The following TAOK3 variants were observed in gnomAD, a reference collection of about 807,000 sequenced individuals.
TAOK3 encodes the protein serine/threonine-protein kinase TAO3.
Under a neutral mutation model 120.4 loss-of-function variants are expected in TAOK3, and 40 were observed. The ratio of observed to expected loss-of-function variants is 0.33; its 90% CI spans 0.26 to 0.43. The LOEUF is 0.43. Among genes scored for constraint, TAOK3 ranks in the 20% least tolerant of loss-of-function variants. The pLI is 1.00. For missense variants in TAOK3, 821 were observed against 1,112.1 expected (o/e 0.74, Z 3.72); for synonymous variants, 355 against 387.5 (o/e 0.92, Z 0.99).
intron 1 of TAOK3, among the ~76,000 whole-genome samples, chr12:118,323,662 A>C (rs1826209448): frequency 6.6e-6 from 1 of 152,196 alleles, no homozygotes; most frequent in Non-Finnish European, 1.5e-5. Context: ...GTATATATGT[A>C]CTGACCTTAT....
chr12:118,355,250 T>G (rs1048793722), intron 1 of TAOK3, among the ~76,000 whole-genome samples: 2 of 152,166 alleles, frequency 1.3e-5, no homozygotes, highest in Admixed American at 1.3e-4. Context: ...ACAAAAAAAA[T>G]TTTTTTAGCT....
At chr12:118,355,701 A>G (rs185519702) in intron 1 of TAOK3, among the ~76,000 whole-genome samples, 11 of 152,364 alleles carry the variant, frequency 7.2e-5, no homozygotes, top group Admixed American at 7.2e-4. Context: ...CTTTCTGGTG[A>G]AGCTATGAAT....
At chr12:118,172,371 G>T (rs2036047992) in intron 17 of TAOK3, 86 bp downstream of exon 17, 15 of 1,411,542 alleles carry the variant, frequency 1.1e-5, no homozygotes, top group African/African-American at 1.4e-5. Context: ...AGGGATATAG[G>T]AATGGACCAG....
intron 9 of TAOK3, among the ~76,000 whole-genome samples, chr12:118,219,741 TGA>T (rs2039129372): frequency 6.7e-6 from 1 of 150,130 alleles, no homozygotes; most frequent in Non-Finnish European, 1.5e-5. Context: ...ATTATAGGCA[TGA>T]GCCATTAAGT....
chr12:118,198,591 T>A (rs2037863742), intron 13 of TAOK3: 1 of 169,132 alleles, frequency 5.9e-6, no homozygotes, highest in African/African-American at 2.4e-5. Flanking sequence ...TTCGCCATGT[T>A]GGCCAGGCTG....
intron 1 of TAOK3, among the ~76,000 whole-genome samples, chr12:118,304,227 A>G (rs1302460247): frequency 6.6e-6 from 1 of 152,232 alleles, no homozygotes. Context: ...ATTACATTTC[A>G]TTCACTTAGA....
At chr12:118,181,736 G>T in intron 14 of TAOK3, 129 bp from the exon 15 acceptor site, 1 of 758,410 alleles carries the variant, frequency 1.3e-6, no homozygotes, top group Non-Finnish European at 2.2e-6. Context: ...ACTGTTTAGT[G>T]AATGCTCACC....
chr12:118,209,876 G>T (rs927116420), intron 11 of TAOK3, among the ~76,000 whole-genome samples: 5 of 151,838 alleles, frequency 3.3e-5, no homozygotes, highest in Non-Finnish European at 5.9e-5. Flanking sequence ...ACTGCACCTG[G>T]CTAATTTTTG....
At chr12:118,162,106 G>A in intron 17 of TAOK3, 79 bp from the exon 18 acceptor site, 1 of 1,534,178 alleles carries the variant, frequency 6.5e-7, no homozygotes, top group Non-Finnish European at 8.9e-7. Context: ...AGTGAGGGAG[G>A]GCAAGGAATG....
chr12:118,322,777 G>A (rs552283962), intron 1 of TAOK3, among the ~76,000 whole-genome samples: 1 of 137,496 alleles, frequency 7.3e-6, no homozygotes, highest in Non-Finnish European at 1.5e-5. Flanking sequence ...TCAGGCTGGA[G>A]TGCAGTGGCA....
intron 1 of TAOK3, among the ~76,000 whole-genome samples, chr12:118,318,211 G>A (rs952670103): frequency 6.7e-6 from 1 of 149,090 alleles, no homozygotes; most frequent in Non-Finnish European, 1.5e-5. Context: ...AGGCTGGAGC[G>A]CAATGACGCG....
At chr12:118,370,147 A>G (rs1009831406) in intron 1 of TAOK3, among the ~76,000 whole-genome samples, 5 of 150,994 alleles carry the variant, frequency 3.3e-5, no homozygotes, top group Admixed American at 6.6e-5. Flanking sequence ...TGCTAGGATT[A>G]CAGGTGTGAG....
chr12:118,368,944 A>AGCTCAG (rs1334017743), intron 1 of TAOK3, among the ~76,000 whole-genome samples: 2 of 149,108 alleles, frequency 1.3e-5, no homozygotes, highest in Non-Finnish European at 3.0e-5. Flanking sequence ...GGATCACTTG[A>AGCTCAG]GCTCAGGAGA....
intron 1 of TAOK3, among the ~76,000 whole-genome samples, chr12:118,281,381 G>A (rs939895921): frequency 4.6e-5 from 7 of 152,238 alleles, no homozygotes; most frequent in Middle Eastern, 3.4e-3. Context: ...GACCTCTTTG[G>A]CAGTTCAAGG....
intron 1 of TAOK3, among the ~76,000 whole-genome samples, chr12:118,313,278 T>C (rs920043116): frequency 6.6e-6 from 1 of 152,022 alleles, no homozygotes; most frequent in Non-Finnish European, 1.5e-5. Context: ...TTTTATTTTA[T>C]TTTATCTTTT....
At chr12:118,363,139 G>A (rs1445825154) in intron 1 of TAOK3, among the ~76,000 whole-genome samples, 3 of 150,982 alleles carry the variant, frequency 2.0e-5, no homozygotes, top group African/African-American at 7.3e-5. Flanking sequence ...GAAACACTGA[G>A]TCAAAGGCCA....
intron 4 of TAOK3, 26 bp downstream of exon 4, chr12:118,244,868 T>C (rs1566004887): frequency 4.5e-6 from 7 of 1,539,298 alleles, no homozygotes; most frequent in Non-Finnish European, 5.4e-6. Flanking sequence ...TATTTCAGTT[T>C]AGGTATACAA....
At chr12:118,229,326 T>G (rs946645851) in intron 9 of TAOK3, among the ~76,000 whole-genome samples, 7 of 151,970 alleles carry the variant, frequency 4.6e-5, no homozygotes, top group Non-Finnish European at 1.0e-4. Context: ...TCTCAAACTC[T>G]TGACCTCAGG....
chr12:118,233,581 C>T, intron 9 of TAOK3, 93 bp downstream of exon 9: 1 of 989,280 alleles, frequency 1.0e-6, no homozygotes, highest in Non-Finnish European at 1.6e-6. Context: ...ATGAATAACT[C>T]CTAATCATTA....
Sources: allele counts gnomAD v4.1 joint callset (sites outside exome capture counted in the v4.1 genomes callset), GRCh38; gene constraint gnomAD v4.1.1; transcripts MANE v1.5; gene names NCBI Gene and HGNC (gene_info 2026-07-23, HGNC 2026-07-21).